The following AFDN variants were observed in gnomAD, a reference collection of about 807,000 sequenced individuals.
The protein encoded by AFDN is afadin, adherens junction formation factor.
AFDN carries 68 observed loss-of-function variants against 216.6 expected under a neutral mutation model. The ratio of observed to expected loss-of-function variants is 0.31; its 90% CI spans 0.26 to 0.38. The LOEUF (loss-of-function observed/expected upper bound fraction) is 0.38, where lower values mean the gene tolerates loss of function less well. AFDN is among the 10% of genes least tolerant of loss of function. AFDN has a pLI of 1.00. For missense variants in AFDN, 2,136 were observed against 2,342.0 expected, an observed-to-expected ratio of 0.91 and a Z score of 1.82; for synonymous variants, 868 against 853.7, an observed-to-expected ratio of 1.02 and a Z score of -0.29.
intron 26 of AFDN, 51 bp from the exon 27 acceptor site, chr6:167,946,656 A>G (rs777669794): frequency 2.1e-6 from 3 of 1,457,936 alleles, no homozygotes; most frequent in South Asian, 2.3e-5. Context: ...AATGATAATC[A>G]GGGTGTTGAA....
rs536240386 is a variant in AFDN at position 167,952,547 on chromosome 6, G to A, written c.4833+360G>A. 4.1e-6 allele frequency: 4 copies of A among 978,006 alleles called. No homozygotes were observed. The South Asian group carries it at 1.4e-4, about 35-fold the overall frequency. 60.6% of individuals were successfully genotyped at this position (978,006 alleles called of 1,614,324 possible). On this transcript the variant is annotated intron_variant, in intron 30 of 33. Transcript: ENST00000683244. ...CAGGGTAGGCAAAATTTTTCTTCCA[G>A]GGCCAGATTGATACTTTAGGCTTTG...
intron 1 of AFDN, among the ~76,000 whole-genome samples, chr6:167,851,556 C>T (rs1015651204): frequency 2.6e-5 from 4 of 152,146 alleles, no homozygotes; most frequent in Admixed American, 2.6e-4. Context: ...TATCAAGTGC[C>T]TCATATGTGG....
intron 29 of AFDN, among the ~76,000 whole-genome samples, chr6:167,949,536 C>T (rs1486569136): frequency 3.3e-5 from 5 of 152,184 alleles, no homozygotes; most frequent in African/African-American, 1.2e-4. Context: ...GTCCATCCTG[C>T]TGTTTTCCTA....
chr6:167,835,463 C>G (rs1371192545), intron 1 of AFDN, among the ~76,000 whole-genome samples: 1 of 152,114 alleles, frequency 6.6e-6, no homozygotes, highest in Non-Finnish European at 1.5e-5. Context: ...AGACAGCTGT[C>G]AAGCTGTGGT....
chr6:167,880,424 G>C lies in AFDN; in HGVS notation c.804G>C (p.Leu268=). The C allele has an allele frequency of 1.2e-6, 2 of 1,613,780 alleles. No individual in the cohort carries two copies. Among genetic ancestry groups the C allele is most frequent in the Non-Finnish European group, 1.7e-6 (2 of 1,179,746 alleles). Residue 268 remains leucine (L), a synonymous_variant, in exon 6 of 34, where the codon CTG becomes CTC. Transcript: ENST00000683244. ...ATATTCCCTACAAGACAATCCTGCT[G>C]TCTACTACAGATCCTGCAGACTTTG... ...KPNIPYKTIL[L]STTDPADFAV...
At chr6:167,861,869 C>T (rs1454976137) in intron 1 of AFDN, among the ~76,000 whole-genome samples, 1 of 152,200 alleles carries the variant, frequency 6.6e-6, no homozygotes. Context: ...CTGATCACAA[C>T]TAATGTAAAA....
intron 30 of AFDN, among the ~76,000 whole-genome samples, chr6:167,955,298 T>TC (rs35912366): frequency 0.42 from 64,088 of 151,874 alleles, 14,333 homozygotes; most frequent in East Asian, 0.8. Context: ...CCCTTTTCCT[T>TC]CCCCCCTCAG....
At chr6:167,831,249 A>G (rs2128079211) in intron 1 of AFDN, among the ~76,000 whole-genome samples, 1 of 152,266 alleles carries the variant, frequency 6.6e-6, no homozygotes, top group African/African-American at 2.4e-5. Flanking sequence ...CAATAGTTGT[A>G]TTTTTAAATA....
intron 23 of AFDN, among the ~76,000 whole-genome samples, chr6:167,942,447 G>C (rs1381257267): frequency 6.6e-6 from 1 of 152,152 alleles, no homozygotes; most frequent in Non-Finnish European, 1.5e-5. Context: ...TTCTTTGATA[G>C]TTGCAATAAA....
chr6:167,883,360 A>G lies in AFDN; in HGVS notation c.897+2843A>G, dbSNP rs143603815. Among the ~76,000 whole-genome samples, 657 of 152,332 alleles carry G rather than the reference A, an allele frequency of 4.3e-3. 3 individuals are homozygous for G. Among genetic ancestry groups the G allele is most frequent in the African/African-American group, 0.015 (621 of 41,578 alleles). On this transcript the variant is annotated intron_variant, in intron 6 of 33. Coordinates refer to ENST00000683244, the MANE Select transcript of AFDN (RefSeq NM_001386888.1). ...CCAGTAAATTCCTGAGGCTATTTCT[A>G]TGAGCATTTATTTTTGCAGTATTCT...
intron 5 of AFDN, among the ~76,000 whole-genome samples, chr6:167,878,195 G>C (rs1785630466): frequency 1.3e-5 from 2 of 152,114 alleles, no homozygotes; most frequent in Non-Finnish European, 2.9e-5. Context: ...GAAGAACATG[G>C]ACCTGGGGTC....
chr6:167,932,557 C>T (rs1333141159), intron 23 of AFDN: 1 of 152,180 alleles, frequency 6.6e-6, no homozygotes, highest in African/African-American at 2.4e-5. Context: ...CTGAATATTG[C>T]ATTGGTTCTA....
At chr6:167,922,056 T>A (rs1261790839) in intron 21 of AFDN, among the ~76,000 whole-genome samples, 2 of 152,176 alleles carry the variant, frequency 1.3e-5, no homozygotes, top group Non-Finnish European at 2.9e-5. Context: ...CACAGGACGC[T>A]CTTGATGAAT....
At chr6:167,858,113 T>C (rs1041392560) in intron 1 of AFDN, among the ~76,000 whole-genome samples, 6 of 152,216 alleles carry the variant, frequency 3.9e-5, no homozygotes, top group African/African-American at 1.2e-4. Context: ...GGGAAAACTT[T>C]CACTTTTTGA....
chr6:167,880,600 T>A, intron 6 of AFDN, 83 bp downstream of exon 6: 1 of 1,351,208 alleles, frequency 7.4e-7, no homozygotes, highest in Non-Finnish European at 1.0e-6. Flanking sequence ...AAACCTAGAT[T>A]TTCAGCCTAC....
chr6:167,955,291 T>G (rs1382566290), intron 30 of AFDN, among the ~76,000 whole-genome samples: 2 of 122,594 alleles, frequency 1.6e-5, no homozygotes, highest in East Asian at 1.1e-3. Context: ...AATAGTCCCC[T>G]TTTCCTTCCC....
At chr6:167,966,365 C>T (rs1797564788) in intron 32 of AFDN, 2 of 1,126,648 alleles carry the variant, frequency 1.8e-6, no homozygotes, top group Non-Finnish European at 2.3e-6. Context: ...TGGTCCATGG[C>T]GATCATACTT....
chr6:167,826,573 C>T (rs1361295182), upstream of AFDN: 2 of 527,256 alleles, frequency 3.8e-6, no homozygotes, highest in East Asian at 1.1e-4. Context: ...GACTCTGCAC[C>T]GCGCGTCCGG....
chr6:167,854,758 G>C (rs934159958), intron 1 of AFDN, among the ~76,000 whole-genome samples: 1 of 150,602 alleles, frequency 6.6e-6, no homozygotes, highest in Non-Finnish European at 1.5e-5. Context: ...GTTTTAAATA[G>C]AGATTTTTAT....
Sources: allele counts gnomAD v4.1 joint callset (sites outside exome capture counted in the v4.1 genomes callset), GRCh38; gene constraint gnomAD v4.1.1; transcripts MANE v1.5; gene names NCBI Gene and HGNC (gene_info 2026-07-23, HGNC 2026-07-21).